PHACTR1: variants seen among roughly 807,000 people sequenced by gnomAD.
The protein encoded by PHACTR1 is RPEL repeat containing 1.
Under a neutral mutation model 69.2 loss-of-function variants are expected in PHACTR1, and 16 were observed. That is an observed-to-expected ratio of 0.23 (90% confidence interval 0.16 to 0.35). PHACTR1 has a LOEUF of 0.35. PHACTR1 is among the 10% of genes least tolerant of loss of function. The probability of loss-of-function intolerance (pLI) is 1.00; values close to 1 mark genes in which losing one functional copy is unlikely to be tolerated. For synonymous variants in PHACTR1, 312 were observed against 284.5 expected (o/e 1.10, Z -0.97); for missense variants, 510 against 734.7 (o/e 0.69, Z 3.54).
At chr6:13,284,543 A>ATATATATATATAGATACACGT (rs1307782343) in intron 13 of PHACTR1, among the ~76,000 whole-genome samples, 1 of 61,364 alleles carries the variant, frequency 1.6e-5, no homozygotes, top group African/African-American at 1.1e-4. Flanking sequence ...AAAAAAAAAA[A>ATATATATATATAGATACACGT]ATATATATAT....
At chr6:12,801,356 A>C (rs1486324701) in intron 4 of PHACTR1, among the ~76,000 whole-genome samples, 2 of 152,212 alleles carry the variant, frequency 1.3e-5, no homozygotes, top group Non-Finnish European at 2.9e-5. Context: ...TTGTTGCCAC[A>C]TACTTGCTTG....
chr6:13,087,622 A>G (rs1422438718), intron 5 of PHACTR1, among the ~76,000 whole-genome samples: 1 of 151,880 alleles, frequency 6.6e-6, no homozygotes, highest in East Asian at 1.9e-4. Flanking sequence ...AAGAAACAAT[A>G]TTAGGAAATT....
At chr6:12,849,498 T>G (rs1206845372) in intron 4 of PHACTR1, among the ~76,000 whole-genome samples, 1 of 152,064 alleles carries the variant, frequency 6.6e-6, no homozygotes, top group Non-Finnish European at 1.5e-5. Context: ...AAAAATAGTC[T>G]AGATAGCACA....
At chr6:13,118,275 C>T (rs916373408) in intron 5 of PHACTR1, among the ~76,000 whole-genome samples, 3 of 152,106 alleles carry the variant, frequency 2.0e-5, no homozygotes, top group Non-Finnish European at 2.9e-5. Context: ...TATGTGAAGA[C>T]GGCAGTTGTT....
intron 4 of PHACTR1, among the ~76,000 whole-genome samples, chr6:12,922,750 T>C (rs1787858305): frequency 6.6e-6 from 1 of 152,174 alleles, no homozygotes; most frequent in South Asian, 2.1e-4. Flanking sequence ...CTGAAGGACT[T>C]ACTAGTTGCT....
At chr6:12,939,432 A>G (rs1457953647) in intron 4 of PHACTR1, among the ~76,000 whole-genome samples, 1 of 151,932 alleles carries the variant, frequency 6.6e-6, no homozygotes, top group Non-Finnish European at 1.5e-5. Flanking sequence ...TAACATAGAA[A>G]TCCCTGGTTT....
intron 5 of PHACTR1, among the ~76,000 whole-genome samples, chr6:13,086,083 T>TAAAAAAAAAAAAAAAAAAAAAAAAAAA: frequency 1.7e-5 from 1 of 60,266 alleles, no homozygotes; most frequent in Non-Finnish European, 2.9e-5. Context: ...TACACATTTC[T>TAAAAAAAAAAAAAAAAAAAAAAAAAAA]AAAAAAAAAA....
chr6:13,148,045 A>G (rs1823677684), intron 5 of PHACTR1, among the ~76,000 whole-genome samples: 1 of 151,984 alleles, frequency 6.6e-6, no homozygotes, highest in Admixed American at 6.6e-5. Flanking sequence ...GCTTAGAGAT[A>G]CATTTCTCTA....
At chr6:12,774,004 A>C (rs1022360307) in intron 4 of PHACTR1, among the ~76,000 whole-genome samples, 2 of 152,202 alleles carry the variant, frequency 1.3e-5, no homozygotes, top group Non-Finnish European at 2.9e-5. Flanking sequence ...CACTCTGGGA[A>C]TCTAAAGAGT....
Position 13,283,317 on chromosome 6 carries a change from C to T in PHACTR1, c.1510-105C>T, listed in dbSNP as rs1409716277. 1.1e-5 allele frequency: 11 copies of T among 987,200 alleles called. No individual in the cohort carries two copies. In the East Asian group the frequency reaches 3.9e-4, roughly 35 times the overall value. 61.2% of individuals were successfully genotyped at this position (987,200 alleles called of 1,614,324 possible). A position where few individuals can be genotyped will look rare whatever the true frequency, so the allele number is the denominator to read the frequency against. On this transcript the variant is annotated intron_variant, in intron 12 of 14. Coordinates refer to ENST00000332995, the MANE Select transcript of PHACTR1 (RefSeq NM_030948.6). This position sits in a 1 kb window ranked among gnomAD's most constrained non-coding sequence, Gnocchi z 4.7. Reference sequence around the variant, plus strand: ...CTCACTCACTATGCGATGCATCCATCGCCTCACTGAACCTTATTTTCCACA... The same window carrying T: ...CTCACTCACTATGCGATGCATCCATTGCCTCACTGAACCTTATTTTCCACA...
intron 10 of PHACTR1, among the ~76,000 whole-genome samples, chr6:13,234,688 A>C (rs1771722140): frequency 6.6e-6 from 1 of 152,196 alleles, no homozygotes; most frequent in Admixed American, 6.5e-5. Flanking sequence ...TGCTTCCAAA[A>C]ATGTTCACTT....
At chr6:13,208,969 T>C (rs533488209) in intron 8 of PHACTR1, among the ~76,000 whole-genome samples, 23 of 152,082 alleles carry the variant, frequency 1.5e-4, no homozygotes, top group Non-Finnish European at 2.6e-4. Context: ...ATTTCCTCCT[T>C]CTTTCTCCCT....
rs138758385 is a variant in PHACTR1 at position 12,747,143 on chromosome 6, C to T, written c.104-2501C>T. On this transcript the variant is annotated intron_variant, in intron 3 of 14. Coordinates refer to ENST00000332995, the MANE Select transcript of PHACTR1 (RefSeq NM_030948.6). The stretch of plus-strand genomic sequence containing the variant: ...TGATAAACGGGAAATAATAATGAGG[C>T]ATATGTCATAGAACAGTGAATCTGA... Among the ~76,000 whole-genome samples, 27 of 152,208 alleles carry T rather than the reference C, an allele frequency of 1.8e-4. No individual in the cohort carries two copies. The East Asian group carries it at 5.0e-3, about 28-fold the overall frequency.
intron 4 of PHACTR1, among the ~76,000 whole-genome samples, chr6:13,011,568 A>G (rs1799452173): frequency 6.6e-6 from 1 of 152,218 alleles, no homozygotes; most frequent in Admixed American, 6.5e-5. Flanking sequence ...CCGTTGGCCA[A>G]TTAAGATAGA....
At chr6:13,170,190 G>A (rs886857630) in intron 6 of PHACTR1, among the ~76,000 whole-genome samples, 1 of 152,098 alleles carries the variant, frequency 6.6e-6, no homozygotes, top group African/African-American at 2.4e-5. Context: ...TTGCACCAAA[G>A]GTTTTTCAGG....
chr6:13,240,816 T>C (rs1031141349), intron 10 of PHACTR1, among the ~76,000 whole-genome samples: 2 of 152,184 alleles, frequency 1.3e-5, no homozygotes, highest in Admixed American at 1.3e-4. Flanking sequence ...CGAAGGTCCC[T>C]GATACGTGCC....
intron 5 of PHACTR1, among the ~76,000 whole-genome samples, chr6:13,107,697 G>T (rs1355008357): frequency 2.6e-5 from 4 of 152,058 alleles, no homozygotes; most frequent in Non-Finnish European, 4.4e-5. Context: ...AATGTCTATA[G>T]TATCAGTAGT....
At chr6:12,846,583 T>G (rs1167358772) in intron 4 of PHACTR1, among the ~76,000 whole-genome samples, 1 of 152,206 alleles carries the variant, frequency 6.6e-6, no homozygotes, top group African/African-American at 2.4e-5. Flanking sequence ...ACGTGTAAGG[T>G]GTGGTAGGAA....
chr6:13,071,489 G>A (rs1257439941), intron 5 of PHACTR1, among the ~76,000 whole-genome samples: 1 of 152,160 alleles, frequency 6.6e-6, no homozygotes, highest in African/African-American at 2.4e-5. Flanking sequence ...CCTGAGTTAG[G>A]AGGATGGGGT....
Sources: allele counts gnomAD v4.1 joint callset (sites outside exome capture counted in the v4.1 genomes callset), GRCh38; gene constraint gnomAD v4.1.1; non-coding constraint Gnocchi (gnomAD v3.1); transcripts MANE v1.5; gene names NCBI Gene and HGNC (gene_info 2026-07-23, HGNC 2026-07-21).